The following RGS6 variants were observed in gnomAD, a reference collection of about 807,000 sequenced individuals.
RGS6 encodes regulator of G protein signaling 6, also known as regulator of G-protein signaling 6.
RGS6 carries 30 observed loss-of-function variants against 78.5 expected under a neutral mutation model. The observed-to-expected ratio is 0.38, with a 90% CI of 0.29 to 0.52. The LOEUF is 0.52. RGS6 is among the 20% of genes least tolerant of loss of function. The pLI is 0.85. For missense variants in RGS6, 495 were observed against 609.7 expected (o/e 0.81, Z 1.98); for synonymous variants, 206 against 206.0 (o/e 1.00, Z 0.00).
At chr14:72,589,237 G>T in the RGS6 span, among the ~76,000 whole-genome samples, 1 of 152,194 alleles carries the variant, frequency 6.6e-6, no homozygotes, top group Admixed American at 6.5e-5. Context: ...CTCACCTGCT[G>T]CTGGGGGCGC....
chr14:72,219,713 A>G (rs1330325374), intron 2 of RGS6, among the ~76,000 whole-genome samples: 1 of 152,170 alleles, frequency 6.6e-6, no homozygotes, highest in African/African-American at 2.4e-5. Flanking sequence ...ATACTCAAAT[A>G]TATCAACCTT....
At chr14:72,134,671 A>G (rs926610913) in intron 2 of RGS6, among the ~76,000 whole-genome samples, 9 of 152,198 alleles carry the variant, frequency 5.9e-5, no homozygotes, top group African/African-American at 2.2e-4. Context: ...GAGAAACTCC[A>G]TAATCTGCAG....
At chr14:71,881,186 C>T in the RGS6 span, among the ~76,000 whole-genome samples, 1 of 152,220 alleles carries the variant, frequency 6.6e-6, no homozygotes, top group South Asian at 2.1e-4. Context: ...CTGTACCCCC[C>T]TTGCATCTAG....
intron 3 of RGS6, among the ~76,000 whole-genome samples, chr14:72,387,328 T>C (rs2088456828): frequency 6.6e-6 from 1 of 152,064 alleles, no homozygotes; most frequent in Non-Finnish European, 1.5e-5. Flanking sequence ...GGTGGGCGGA[T>C]CACCAGGTCA....
intron 3 of RGS6, among the ~76,000 whole-genome samples, chr14:72,409,626 C>T (rs941033115): frequency 1.9e-4 from 29 of 152,020 alleles, no homozygotes; most frequent in African/African-American, 6.5e-4. Flanking sequence ...AGGTTTGTTA[C>T]ATATGTATAC....
chr14:72,539,044 AC>A (rs2097286763), intron 16 of RGS6, among the ~76,000 whole-genome samples: 1 of 152,112 alleles, frequency 6.6e-6, no homozygotes, highest in African/African-American at 2.4e-5. Context: ...CGGGCTCAGG[AC>A]CCTGGAACGG....
intron 2 of RGS6, among the ~76,000 whole-genome samples, chr14:72,251,397 G>C (rs528332553): frequency 5.5e-4 from 84 of 152,290 alleles, no homozygotes; most frequent in South Asian, 3.7e-3. Flanking sequence ...TTCTTAATCA[G>C]ATAGGGAAAT....
chr14:72,269,464 C>T (rs1365765517), intron 2 of RGS6, among the ~76,000 whole-genome samples: 5 of 152,106 alleles, frequency 3.3e-5, no homozygotes, highest in Admixed American at 2.6e-4. Context: ...GCCCATGCTA[C>T]TCCCTCTGCT....
At chr14:72,516,736 C>A (rs1028000005) in intron 14 of RGS6, 1 of 152,646 alleles carries the variant, frequency 6.6e-6, no homozygotes, top group East Asian at 1.9e-4. Flanking sequence ...CAGAGCCATG[C>A]CACATATCCC....
chr14:71,988,220 A>G (rs1322196065), intron 2 of RGS6, among the ~76,000 whole-genome samples: 1 of 152,170 alleles, frequency 6.6e-6, no homozygotes, highest in East Asian at 1.9e-4. Context: ...GCAGGGGGTG[A>G]GCATTTTCTT....
chr14:71,924,824 G>A, the RGS6 span, among the ~76,000 whole-genome samples: 88 of 152,210 alleles, frequency 5.8e-4, no homozygotes, highest in African/African-American at 2.0e-3. Flanking sequence ...TTCATCCACT[G>A]ATGGACACTT....
chr14:72,112,254 T>C (rs1158437748), intron 2 of RGS6, among the ~76,000 whole-genome samples: 1 of 152,224 alleles, frequency 6.6e-6, no homozygotes, highest in African/African-American at 2.4e-5. Context: ...CCTCTCTTTG[T>C]TCCTATACCA....
chr14:72,487,707 C>T lies in RGS6; in HGVS notation c.855-7445C>T, dbSNP rs142322369. ...CAAGCAAATGAATTCTTCCCTAGAG[C>T]CTCCAGAAGGAACATCGCCCTGCTG... On this transcript the variant is annotated intron_variant, in intron 12 of 17. Transcript: ENST00000553525. 2.2e-4 allele frequency among the ~76,000 whole-genome samples: 34 copies of T among 152,328 alleles called. No homozygotes were observed. In the East Asian group the frequency reaches 6.6e-3, roughly 29 times the overall value.
chr14:72,410,913 G>T (rs1461006013), intron 3 of RGS6, among the ~76,000 whole-genome samples: 7 of 152,104 alleles, frequency 4.6e-5, no homozygotes, highest in Non-Finnish European at 7.4e-5. Context: ...GCTCTGTTCT[G>T]TTCCATTGGT....
intron 12 of RGS6, among the ~76,000 whole-genome samples, chr14:72,490,494 G>A (rs2096563995): frequency 6.6e-6 from 1 of 152,230 alleles, no homozygotes; most frequent in Non-Finnish European, 1.5e-5. Context: ...TAGGACAGAG[G>A]ATGTGCCTCT....
intron 3 of RGS6, among the ~76,000 whole-genome samples, chr14:72,424,124 G>A (rs1379877563): frequency 6.6e-6 from 1 of 152,156 alleles, no homozygotes; most frequent in Non-Finnish European, 1.5e-5. Flanking sequence ...ACCCTGCTTG[G>A]GGCTATTCCT....
chr14:72,559,434 A>G (rs756351668), intron 17 of RGS6, among the ~76,000 whole-genome samples: 2 of 152,140 alleles, frequency 1.3e-5, no homozygotes, highest in Non-Finnish European at 2.9e-5. Context: ...TGCATGATTA[A>G]CCGCCTTCCA....
At chr14:72,208,971 G>A (rs1338509625) in intron 2 of RGS6, among the ~76,000 whole-genome samples, 1 of 151,378 alleles carries the variant, frequency 6.6e-6, no homozygotes, top group Non-Finnish European at 1.5e-5. Flanking sequence ...AAGAACAAAA[G>A]TCAGATGTGG....
chr14:72,455,832 G>T (rs2095616298), intron 4 of RGS6, among the ~76,000 whole-genome samples: 1 of 152,212 alleles, frequency 6.6e-6, no homozygotes, highest in Non-Finnish European at 1.5e-5. Context: ...TTTATCTAAA[G>T]TCAGTATTTC....
Sources: allele counts gnomAD v4.1 joint callset (sites outside exome capture counted in the v4.1 genomes callset), GRCh38; gene constraint gnomAD v4.1.1; transcripts MANE v1.5; gene names NCBI Gene and HGNC (gene_info 2026-07-23, HGNC 2026-07-21).